The following PPP4R2 variants were observed in gnomAD, a reference collection of about 807,000 sequenced individuals.
PPP4R2 encodes the protein protein phosphatase 4 regulatory subunit 2.
A neutral mutation model predicts 47.2 loss-of-function variants in PPP4R2; 13 were observed. The observed-to-expected ratio is 0.28, with a 90% CI of 0.18 to 0.44. PPP4R2 has a LOEUF of 0.44. Among genes scored for constraint, PPP4R2 ranks in the 20% least tolerant of loss-of-function variants. The pLI is 1.00. For missense variants in PPP4R2, 421 were observed against 491.2 expected (o/e 0.86, Z 1.35); for synonymous variants, 151 against 163.3 (o/e 0.92, Z 0.57).
chr3:73,021,603 T>TG (rs1416907445), intron 2 of PPP4R2, among the ~76,000 whole-genome samples: 1 of 152,112 alleles, frequency 6.6e-6, no homozygotes, highest in African/African-American at 2.4e-5. Context: ...AAAAAAATAC[T>TG]GGTGTGAATT....
intron 2 of PPP4R2, among the ~76,000 whole-genome samples, chr3:73,033,663 A>C (rs1702209212): frequency 6.6e-6 from 1 of 152,206 alleles, no homozygotes; most frequent in African/African-American, 2.4e-5. Context: ...CCAAATATAA[A>C]TTCTGTACCC....
chr3:73,002,009 C>A (rs1025722936), intron 2 of PPP4R2, among the ~76,000 whole-genome samples: 1 of 140,424 alleles, frequency 7.1e-6, no homozygotes. Flanking sequence ...CTCTCCTGTT[C>A]CTTGCTCAGT....
In PPP4R2 at chr3:73,024,229, T is replaced by C. The variant is rs187452032; in HGVS notation, c.117-22957T>C. 4.6e-4 allele frequency among the ~76,000 whole-genome samples: 70 copies of C among 152,272 alleles called. 1 individual carries two copies. The highest frequency in any genetic ancestry group is 1.5e-3 in the South Asian group (7 of 4,824). On this transcript the variant is annotated intron_variant, in intron 2 of 8. Transcript: ENST00000356692. ...ATATTTTGAAGATCTATGATACTTA[T>C]ATTGGAAAAAGGTAAAATTCACCAA...
At chr3:73,042,451 G>A (rs1193357090) in intron 2 of PPP4R2, among the ~76,000 whole-genome samples, 1 of 136,642 alleles carries the variant, frequency 7.3e-6, no homozygotes, top group East Asian at 2.3e-4. Context: ...TGCAACCTCC[G>A]CCTCCTGGGT....
Position 73,064,983 on chromosome 3 carries a change from G to A in PPP4R2, c.770G>A (p.Arg257Lys), listed in dbSNP as rs1268752267. The change falls in exon 8 of 9, where the codon AGA (arginine) becomes AAA (lysine). Residue 257 changes from arginine (R) to lysine (K), a missense_variant. Around this residue, in one of 2 missense-constraint regions of PPP4R2, gnomAD observed 317 missense variants for 287.5 expected, o/e 1.10. Transcript: ENST00000356692. ...RLRFDKEGEV[R>K]ETASQTTSSE... ...AGGTTTGACAAAGAAGGTGAAGTCA[G>A]AGAAACAGCCAGTCAAACGACTTCC... 1.2e-6 allele frequency: 2 copies of A among 1,613,788 alleles called. No homozygotes were observed. Among genetic ancestry groups the A allele is most frequent in the Non-Finnish European group, 1.7e-6 (2 of 1,179,848 alleles).
chr3:73,006,734 A>G (rs1701618026), intron 2 of PPP4R2, among the ~76,000 whole-genome samples: 1 of 152,204 alleles, frequency 6.6e-6, no homozygotes, highest in African/African-American at 2.4e-5. Flanking sequence ...AACTCAGAGC[A>G]GTCTATTCAC....
chr3:72,998,053 G>T (rs1004738197), intron 1 of PPP4R2, 24 bp from the exon 2 acceptor site: 2 of 1,496,758 alleles, frequency 1.3e-6, no homozygotes, highest in African/African-American at 1.4e-5. Context: ...AACTGATAAC[G>T]TTTTTTTTTC....
At chr3:73,023,707 A>G (rs1480966631) in intron 2 of PPP4R2, among the ~76,000 whole-genome samples, 1 of 152,230 alleles carries the variant, frequency 6.6e-6, no homozygotes, top group Non-Finnish European at 1.5e-5. Flanking sequence ...ATTAATTTAG[A>G]ATATACTTAA....
At chr3:73,009,869 G>A (rs1000655963) in intron 2 of PPP4R2, among the ~76,000 whole-genome samples, 3 of 152,202 alleles carry the variant, frequency 2.0e-5, no homozygotes, top group Admixed American at 6.5e-5. Context: ...CCAGCTCTCT[G>A]ATGTGTTCGT....
intron 2 of PPP4R2, among the ~76,000 whole-genome samples, chr3:73,001,701 C>G (rs909703059): frequency 6.6e-6 from 1 of 152,056 alleles, no homozygotes; most frequent in African/African-American, 2.4e-5. Context: ...CGTAGTGGCG[C>G]GATCTCGGCT....
intron 2 of PPP4R2, among the ~76,000 whole-genome samples, chr3:73,016,813 C>CT (rs1207946652): frequency 0.028 from 2,007 of 72,850 alleles, 185 homozygotes; most frequent in African/African-American, 0.083. Flanking sequence ...TTCATTGTTT[C>CT]TTTTTTTTTT....
chr3:73,015,938 T>C (rs1296185861), intron 2 of PPP4R2: 4 of 243,920 alleles, frequency 1.6e-5, no homozygotes, highest in Admixed American at 1.0e-4. Flanking sequence ...GCACCCGCCC[T>C]GTTTTTTTGA....
At chr3:73,043,695 A>C (rs1178849111) in intron 2 of PPP4R2, among the ~76,000 whole-genome samples, 1 of 152,226 alleles carries the variant, frequency 6.6e-6, no homozygotes, top group African/African-American at 2.4e-5. Context: ...AATGCTGAGC[A>C]TCTTTTCATA....
Position 73,062,830 on chromosome 3 carries a change from G to T in PPP4R2, c.420-843G>T, listed in dbSNP as rs766954474. The T allele has an allele frequency of 3.5e-5, 57 of 1,613,764 alleles. No homozygotes were observed. In the African/African-American group the frequency reaches 5.1e-4, roughly 14 times the overall value. On this transcript the variant is annotated intron_variant, in intron 5 of 8. Coordinates refer to ENST00000356692, the MANE Select transcript of PPP4R2 (RefSeq NM_174907.4). The stretch of plus-strand genomic sequence containing the variant: ...TGGATCAGCTCAAGACCATGGGTTG[G>T]AGAATTAATGTTCACACTTCTATTT...
rs368832414 is a variant in PPP4R2 at position 73,058,986 on chromosome 3, G to T, written c.288-51G>T. 6.2e-5 allele frequency: 69 copies of T among 1,109,468 alleles called. 1 individual carries two copies. The highest frequency in any genetic ancestry group is 2.1e-4 in the Admixed American group (10 of 47,154). 68.7% of individuals were successfully genotyped at this position (1,109,468 alleles called of 1,614,324 possible). On this transcript the variant is annotated intron_variant, in intron 3 of 8. Coordinates refer to ENST00000356692, the MANE Select transcript of PPP4R2 (RefSeq NM_174907.4). ...CCTAGCAAAAGAAATAATGTTCCTC[G>T]TTTTCTTGATTATCAGTGATCTCAC...
At chr3:72,999,037 CA>C (rs1331328742) in intron 2 of PPP4R2, among the ~76,000 whole-genome samples, 1 of 152,172 alleles carries the variant, frequency 6.6e-6, no homozygotes, top group Admixed American at 6.6e-5. Context: ...TCATTTCTCA[CA>C]AGATTTGCTT....
chr3:73,038,997 G>A (rs1702322704), intron 2 of PPP4R2, among the ~76,000 whole-genome samples: 1 of 152,080 alleles, frequency 6.6e-6, no homozygotes, highest in Admixed American at 6.5e-5. Flanking sequence ...AAACTTTATT[G>A]TTTCAAAGCA....
intron 2 of PPP4R2, among the ~76,000 whole-genome samples, chr3:72,999,015 A>G (rs547937517): frequency 1.3e-5 from 2 of 152,158 alleles, no homozygotes; most frequent in African/African-American, 4.8e-5. Context: ...TGGCTTTATT[A>G]TTAGCAAGTG....
At chr3:73,041,051 T>A (rs1304239166) in intron 2 of PPP4R2, among the ~76,000 whole-genome samples, 1 of 152,214 alleles carries the variant, frequency 6.6e-6, no homozygotes, top group East Asian at 1.9e-4. Context: ...TTATAATGGC[T>A]GTACTATTAA....
Sources: gnomAD v4.1 joint callset for allele counts (sites outside exome capture counted in the v4.1 genomes callset) on GRCh38, gnomAD v4.1.1 for gene constraint, gnomAD v4.1.1 regional missense constraint, MANE v1.5 for transcripts, NCBI Gene and HGNC (gene_info 2026-07-23, HGNC 2026-07-21) for gene names.